The following CACNA1A variants were observed in gnomAD, a reference collection of about 807,000 sequenced individuals.
CACNA1A encodes voltage-dependent P/Q-type calcium channel subunit alpha-1A.
In CACNA1A, 57 loss-of-function variants were observed where a neutral mutation model predicts 262.4. That is an observed-to-expected ratio of 0.22 (90% CI 0.18 to 0.27). CACNA1A has a LOEUF of 0.27. Ranked by LOEUF, CACNA1A falls within the 10% of genes least tolerant of loss-of-function variation. CACNA1A has a pLI of 1.00. For missense variants in CACNA1A, 2,526 were observed against 3,562.8 expected (o/e 0.71, Z 7.41); for synonymous variants, 1,431 against 1,419.3 (o/e 1.01, Z -0.18).
At chr19:13,242,336 C>T (rs1378048399) in intron 31 of CACNA1A, among the ~76,000 whole-genome samples, 2 of 152,162 alleles carry the variant, frequency 1.3e-5, no homozygotes, top group African/African-American at 4.8e-5. Context: ...CTCTGTCGCC[C>T]AGGCTGGAGG....
intron 3 of CACNA1A, among the ~76,000 whole-genome samples, chr19:13,375,597 G>A (rs575118956): frequency 2.6e-5 from 4 of 152,052 alleles, no homozygotes; most frequent in Non-Finnish European, 5.9e-5. Flanking sequence ...AGACTAGCTT[G>A]GGCAAAATAG....
At chr19:13,447,201 A>T (rs933648) in intron 3 of CACNA1A, among the ~76,000 whole-genome samples, 21,869 of 152,120 alleles carry the variant, frequency 0.14, 1,608 homozygotes, top group South Asian at 0.19. Flanking sequence ...CAGAAAAAAA[A>T]ATATACATAT....
intron 46 of CACNA1A, 100 bp downstream of exon 46, chr19:13,208,656 G>A (rs1356855535): frequency 4.3e-6 from 6 of 1,379,682 alleles, no homozygotes; most frequent in East Asian, 2.5e-5. Flanking sequence ...GCCGGGATCC[G>A]GGGACCTTTG....
chr19:13,287,312 C>T (rs1173877728), intron 19 of CACNA1A, among the ~76,000 whole-genome samples: 1 of 152,044 alleles, frequency 6.6e-6, no homozygotes, highest in Non-Finnish European at 1.5e-5. Flanking sequence ...GATCGCCCCA[C>T]TGCACTCCAG....
chr19:13,407,862 T>C (rs1043314406), intron 3 of CACNA1A, among the ~76,000 whole-genome samples: 1 of 152,164 alleles, frequency 6.6e-6, no homozygotes, highest in Non-Finnish European at 1.5e-5. Context: ...ATCCCCAATG[T>C]TGGGGGAGGG....
intron 1 of CACNA1A, among the ~76,000 whole-genome samples, chr19:13,456,053 G>A (rs966605895): frequency 2.0e-5 from 3 of 151,752 alleles, no homozygotes; most frequent in African/African-American, 7.3e-5. Flanking sequence ...GGGAGGCCGG[G>A]GCAGGAGAAT....
At chr19:13,380,307 T>C (rs1391237477) in intron 3 of CACNA1A, among the ~76,000 whole-genome samples, 1 of 78,836 alleles carries the variant, frequency 1.3e-5, no homozygotes, top group East Asian at 3.6e-4. Flanking sequence ...AAAAAAAAAG[T>C]GTTTAGACCA....
intron 22 of CACNA1A, among the ~76,000 whole-genome samples, chr19:13,278,380 T>G (rs2057202489): frequency 6.6e-6 from 1 of 152,240 alleles, no homozygotes; most frequent in Admixed American, 6.5e-5. Flanking sequence ...TTGCACAGGC[T>G]GTTCTGTCTC....
intron 10 of CACNA1A, among the ~76,000 whole-genome samples, chr19:13,318,269 A>G (rs10406665): frequency 0.29 from 44,597 of 151,984 alleles, 7,122 homozygotes; most frequent in East Asian, 0.47. Context: ...TAGAGGAAAC[A>G]GCAAATTTAA....
chr19:13,321,901 CA>C (rs1244693315), intron 10 of CACNA1A, among the ~76,000 whole-genome samples: 1 of 151,796 alleles, frequency 6.6e-6, no homozygotes, highest in Non-Finnish European at 1.5e-5. Flanking sequence ...AAAAAATTTA[CA>C]AAAAAATAAA....
At chr19:13,390,466 G>C (rs898242056) in intron 3 of CACNA1A, among the ~76,000 whole-genome samples, 7 of 152,148 alleles carry the variant, frequency 4.6e-5, no homozygotes, top group East Asian at 1.9e-4. Context: ...TGATAAATCT[G>C]TTCTCAATCT....
At chr19:13,360,265 G>GTGTATATATATATA (rs941666561) in intron 5 of CACNA1A, among the ~76,000 whole-genome samples, 3 of 124,226 alleles carry the variant, frequency 2.4e-5, no homozygotes, top group South Asian at 2.5e-4. Context: ...GTGTGTGTGT[G>GTGTATATATATATA]TATATATATA....
chr19:13,259,845 C>T (rs2056682342), intron 26 of CACNA1A, 144 bp from the exon 27 acceptor site: 2 of 766,126 alleles, frequency 2.6e-6, no homozygotes, highest in Non-Finnish European at 4.3e-6. Flanking sequence ...CCCATCCTGC[C>T]ACCATGTGTT....
chr19:13,420,397 C>T (rs2060299163), intron 3 of CACNA1A, among the ~76,000 whole-genome samples: 1 of 152,030 alleles, frequency 6.6e-6, no homozygotes, highest in African/African-American at 2.4e-5. Context: ...AAGCTCTTTG[C>T]AGATGTAACT....
chr19:13,356,823 T>C (rs1445124430), intron 6 of CACNA1A, among the ~76,000 whole-genome samples: 3 of 152,112 alleles, frequency 2.0e-5, no homozygotes, highest in Non-Finnish European at 4.4e-5. Flanking sequence ...CCCACAAAAA[T>C]TCCCCAGTGA....
At chr19:13,311,290 T>A (rs4630688) in intron 12 of CACNA1A, among the ~76,000 whole-genome samples, 93 of 152,270 alleles carry the variant, frequency 6.1e-4, no homozygotes, top group African/African-American at 2.2e-3. Flanking sequence ...AGGGTCTTGC[T>A]ATGTTGCCTG....
intron 21 of CACNA1A, 128 bp from the exon 22 acceptor site, chr19:13,283,524 C>T: frequency 8.3e-7 from 1 of 1,212,098 alleles, no homozygotes; most frequent in East Asian, 2.6e-5. Context: ...ACACAACAAA[C>T]TATTAAACTC....
At chr19:13,504,105 C>T (rs1031098678) in intron 1 of CACNA1A, among the ~76,000 whole-genome samples, 1 of 152,092 alleles carries the variant, frequency 6.6e-6, no homozygotes, top group Non-Finnish European at 1.5e-5. Flanking sequence ...ACCTGTCAGC[C>T]GAGCAAAGCC....
intron 38 of CACNA1A, chr19:13,215,014 T>G (rs10404917): frequency 0.014 from 2,194 of 151,400 alleles, 50 homozygotes; most frequent in African/African-American, 0.048. Context: ...GTGTGTGTGT[T>G]TTTTTTTTTT....
Sources: allele counts gnomAD v4.1 joint callset (sites outside exome capture counted in the v4.1 genomes callset), GRCh38; gene constraint gnomAD v4.1.1; transcripts MANE v1.5; gene names NCBI Gene and HGNC (gene_info 2026-07-23, HGNC 2026-07-21).